ADK: variants seen among roughly 807,000 people sequenced by gnomAD.
ADK encodes adenosine kinase, also known as N6,N6-dimethyladenosine kinase.
A neutral mutation model predicts 44.7 loss-of-function variants in ADK; 24 were observed. The ratio of observed to expected loss-of-function variants is 0.54; its 90% CI spans 0.39 to 0.76. ADK has a LOEUF of 0.76. Among genes scored for constraint, ADK ranks in the 30% least tolerant of loss-of-function variants. The pLI is 0.00. For synonymous variants in ADK, 128 were observed against 142.6 expected (o/e 0.90, Z 0.73); for missense variants, 321 against 425.1 (o/e 0.76, Z 2.15).
At chr10:74,323,187 T>A (rs2894235) in intron 4 of ADK, among the ~76,000 whole-genome samples, 19,526 of 152,228 alleles carry the variant, frequency 0.13, 1,313 homozygotes, top group Middle Eastern at 0.17. Context: ...TTATTCTATT[T>A]TGGAATTGGA....
intron 3 of ADK, among the ~76,000 whole-genome samples, chr10:74,299,618 A>T (rs1435776254): frequency 9.2e-6 from 1 of 108,814 alleles, no homozygotes; most frequent in Non-Finnish European, 2.4e-5. Context: ...TTAAATATAC[A>T]TTATACATAT....
intron 10 of ADK, among the ~76,000 whole-genome samples, chr10:74,707,754 A>G (rs1467958857): frequency 1.6e-5 from 2 of 121,262 alleles, no homozygotes; most frequent in Non-Finnish European, 3.5e-5. Context: ...CAAGAGTGGA[A>G]CTCCACCTCA....
intron 1 of ADK, among the ~76,000 whole-genome samples, chr10:74,164,465 G>C (rs1357164314): frequency 6.6e-6 from 1 of 152,176 alleles, no homozygotes; most frequent in Non-Finnish European, 1.5e-5. Context: ...GAACCTGGGA[G>C]GCAGAGGTTG....
At chr10:74,238,429 G>A (rs1845057160) in intron 3 of ADK, among the ~76,000 whole-genome samples, 1 of 152,092 alleles carries the variant, frequency 6.6e-6, no homozygotes, top group South Asian at 2.1e-4. Flanking sequence ...TGGGAACACA[G>A]GAACCAGGGC....
chr10:74,536,071 A>T (rs1849438904), intron 7 of ADK, among the ~76,000 whole-genome samples: 3 of 151,990 alleles, frequency 2.0e-5, no homozygotes, highest in Non-Finnish European at 4.4e-5. Context: ...AATCTTTTAA[A>T]TTTTTTCTTA....
chr10:74,547,481 A>ATT (rs1564785912), intron 7 of ADK, among the ~76,000 whole-genome samples: 1 of 108,804 alleles, frequency 9.2e-6, no homozygotes. Flanking sequence ...TTTTTATTTT[A>ATT]TTATTTTTTT....
chr10:74,342,813 G>GTT (rs765294664), intron 4 of ADK, among the ~76,000 whole-genome samples: 31 of 151,788 alleles, frequency 2.0e-4, no homozygotes, highest in Non-Finnish European at 4.3e-4. Context: ...GTGTGTGTGT[G>GTT]TGTTTTAATA....
intron 4 of ADK, among the ~76,000 whole-genome samples, chr10:74,352,513 G>A (rs1043943548): frequency 1.3e-4 from 20 of 152,140 alleles, no homozygotes; most frequent in Admixed American, 5.2e-4. Flanking sequence ...CATAGGCATG[G>A]GCAAAGACTT....
intron 2 of ADK, among the ~76,000 whole-genome samples, chr10:74,205,280 A>C (rs1843551427): frequency 2.0e-5 from 3 of 152,198 alleles, no homozygotes; most frequent in Admixed American, 2.0e-4. Context: ...ATACAAATTC[A>C]TAATGAAAGT....
intron 3 of ADK, among the ~76,000 whole-genome samples, chr10:74,254,454 T>C (rs1845753506): frequency 6.6e-6 from 1 of 152,046 alleles, no homozygotes; most frequent in Non-Finnish European, 1.5e-5. Flanking sequence ...GGTTGCTGGA[T>C]CTAGATATGC....
intron 6 of ADK, among the ~76,000 whole-genome samples, chr10:74,470,185 T>G (rs1564739788): frequency 1.3e-5 from 2 of 151,912 alleles, no homozygotes; most frequent in Admixed American, 1.3e-4. Context: ...CAACCACACC[T>G]GACTAATTTT....
chr10:74,314,708 C>T lies in ADK; in HGVS notation c.236C>T (p.Ala79Val). 1 of 1,613,026 alleles carries T rather than the reference C, an allele frequency of 6.2e-7. No homozygotes were observed. Among genetic ancestry groups the T allele is most frequent in the East Asian group, 2.2e-5 (1 of 44,736 alleles). Residue 79 changes from alanine to valine, a missense_variant, in exon 4 of 11, where the codon GCT becomes GTT. Transcript: ENST00000539909. ...LVKKFKVEYH[A>V]GGSTQNSIKV... ...AAAAAATTCAAAGTCGAATATCATGCTGGTGGCTCTACCCAGAATTCAATT... is the reference window on the plus strand; with the variant it reads ...AAAAAATTCAAAGTCGAATATCATGTTGGTGGCTCTACCCAGAATTCAATT...
At chr10:74,190,442 T>C (rs1842921184) in intron 1 of ADK, among the ~76,000 whole-genome samples, 1 of 152,242 alleles carries the variant, frequency 6.6e-6, no homozygotes, top group African/African-American at 2.4e-5. Flanking sequence ...GTTTTCATCT[T>C]CCAGGGTCTT....
chr10:74,422,546 A>G (rs866936674), intron 6 of ADK, among the ~76,000 whole-genome samples: 1 of 152,342 alleles, frequency 6.6e-6, no homozygotes, highest in African/African-American at 2.4e-5. Context: ...TAAGATAGTG[A>G]CATTAGAACA....
At chr10:74,176,832 T>G (rs1214374984) in intron 1 of ADK, 2 of 1,605,354 alleles carry the variant, frequency 1.2e-6, no homozygotes, top group African/African-American at 2.7e-5. Flanking sequence ...ACGTAGAGCA[T>G]CGGACGCGGG....
chr10:74,267,715 G>A (rs1010566196), intron 3 of ADK, among the ~76,000 whole-genome samples: 4 of 150,378 alleles, frequency 2.7e-5, no homozygotes, highest in Non-Finnish European at 5.9e-5. Context: ...ATCTTCTAGA[G>A]GTAGGGTACT....
intron 7 of ADK, among the ~76,000 whole-genome samples, chr10:74,553,464 G>T (rs1280198132): frequency 6.6e-6 from 1 of 151,942 alleles, no homozygotes; most frequent in Non-Finnish European, 1.5e-5. Flanking sequence ...CTCCCAAAGT[G>T]CTGGGATTAC....
chr10:74,584,314 A>G (rs1399540007), intron 7 of ADK, among the ~76,000 whole-genome samples: 1 of 152,220 alleles, frequency 6.6e-6, no homozygotes, highest in African/African-American at 2.4e-5. Flanking sequence ...TCCTAGCAAC[A>G]ATGCAACGAA....
chr10:74,197,785 A>G (rs1198632745), intron 1 of ADK, among the ~76,000 whole-genome samples: 1 of 151,546 alleles, frequency 6.6e-6, no homozygotes, highest in Admixed American at 6.6e-5. Flanking sequence ...AGAATCAATT[A>G]TTGGCCTCTC....
Sources: gnomAD v4.1 joint callset for allele counts (sites outside exome capture counted in the v4.1 genomes callset) on GRCh38, gnomAD v4.1.1 for gene constraint, MANE v1.5 for transcripts, NCBI Gene and HGNC (gene_info 2026-07-23, HGNC 2026-07-21) for gene names.